Variants in REV3L observed in about 807,000 individuals in gnomAD.
REV3L encodes the protein DNA polymerase zeta catalytic subunit.
A neutral mutation model predicts 299.4 loss-of-function variants in REV3L; 69 were observed. The ratio of observed to expected loss-of-function variants is 0.23; its 90% CI spans 0.19 to 0.28. The LOEUF is 0.28. Ranked by LOEUF, REV3L falls within the 10% of genes least tolerant of loss-of-function variation. REV3L has a pLI of 1.00. For missense variants in REV3L, 3,128 were observed against 3,693.8 expected (o/e 0.85, Z 3.97); for synonymous variants, 1,238 against 1,271.4 (o/e 0.97, Z 0.56).
rs747409404 is a variant in REV3L, at chr6:111,307,344, A to G, written c.9252+17T>C. ...TCAGACTGCTTGTGATTCTGGGCCC[A>G]TGGAACAAAACTGTACCTTTACAAG... On this transcript the variant is annotated intron_variant, in intron 31 of 31. Transcript: ENST00000368802. 2.5e-6 allele frequency: 4 copies of G among 1,609,838 alleles called. No individual in the cohort carries two copies. Among genetic ancestry groups the G allele is most frequent in the Admixed American group, 1.7e-5 (1 of 59,972 alleles).
chr6:111,418,331 G>GA (rs1158175110), intron 1 of REV3L, among the ~76,000 whole-genome samples: 3 of 152,120 alleles, frequency 2.0e-5, no homozygotes, highest in Non-Finnish European at 4.4e-5. Flanking sequence ...AATTTTACAA[G>GA]AAACAATTAC....
chr6:111,387,967 T>G (rs752376019), intron 8 of REV3L, 34 bp downstream of exon 8: 2 of 1,606,608 alleles, frequency 1.2e-6, no homozygotes, highest in East Asian at 4.5e-5. Context: ...AGGAATAAAA[T>G]TAGTTCTGAG....
At chr6:111,422,383 C>CTT (rs1785460305) in intron 1 of REV3L, among the ~76,000 whole-genome samples, 2 of 151,622 alleles carry the variant, frequency 1.3e-5, no homozygotes, top group East Asian at 3.9e-4. Context: ...AAAATATGTG[C>CTT]TTTCTTGTTC....
At position 111,422,665 on chromosome 6, in the gene REV3L, T is replaced by TATATATATATAC. The variant is rs1562287955; in HGVS notation, c.140-6194_140-6193insGTATATATATAT. ...ATATATATACATATATATATATACA[T>TATATATATATAC]ATATATATATATACGTATATATATA... On this transcript the variant is annotated intron_variant, in intron 1 of 31. Transcript: ENST00000368802. 2.7e-4 allele frequency among the ~76,000 whole-genome samples: 10 copies of TATATATATATAC among 37,462 alleles called. 1 individual carries two copies. In the East Asian group the frequency reaches 5.2e-3, roughly 20 times the overall value. 24.6% of individuals were successfully genotyped at this position (37,462 alleles called of 152,430 possible).
intron 22 of REV3L, among the ~76,000 whole-genome samples, chr6:111,333,769 A>G (rs1406692629): frequency 6.6e-6 from 1 of 151,900 alleles, no homozygotes; most frequent in African/African-American, 2.4e-5. Flanking sequence ...AGCCACTATG[A>G]CCAGCCTGTA....
chr6:111,346,861 T>C (rs1333819234), intron 20 of REV3L, among the ~76,000 whole-genome samples: 1 of 152,230 alleles, frequency 6.6e-6, no homozygotes, highest in Non-Finnish European at 1.5e-5. Flanking sequence ...TTGCTACTGT[T>C]GCCTTTTGGA....
chr6:111,316,837 G>A (rs1013553748), intron 26 of REV3L, among the ~76,000 whole-genome samples: 4 of 152,092 alleles, frequency 2.6e-5, no homozygotes, highest in African/African-American at 9.7e-5. Context: ...CTTTTCATAT[G>A]CTATAATGGA....
intron 2 of REV3L, chr6:111,411,847 C>T (rs542517842): frequency 9.4e-6 from 3 of 318,878 alleles, no homozygotes; most frequent in East Asian, 1.7e-4. Flanking sequence ...GAAGAACAAA[C>T]CATCCACCCC....
intron 31 of REV3L, among the ~76,000 whole-genome samples, chr6:111,302,298 A>C (rs1383561180): frequency 6.6e-6 from 1 of 152,222 alleles, no homozygotes; most frequent in Non-Finnish European, 1.5e-5. Flanking sequence ...GAATTTCTGT[A>C]TTACAGCTCT....
chr6:111,471,676 A>G (rs887151184), intron 1 of REV3L, among the ~76,000 whole-genome samples: 3 of 152,230 alleles, frequency 2.0e-5, no homozygotes, highest in Non-Finnish European at 2.9e-5. Context: ...AGGCTAACAT[A>G]AGTATAATAA....
intron 20 of REV3L, 159 bp downstream of exon 20, chr6:111,349,059 T>C: frequency 2.0e-6 from 1 of 499,186 alleles, no homozygotes; most frequent in South Asian, 3.6e-5. Flanking sequence ...CTCTGTAGTT[T>C]TGCATTTTAG....
chr6:111,321,810 A>G (rs1774221873), intron 26 of REV3L, among the ~76,000 whole-genome samples: 1 of 152,242 alleles, frequency 6.6e-6, no homozygotes, highest in Non-Finnish European at 1.5e-5. Context: ...AAGTGCTCTT[A>G]GCATGATCAC....
intron 9 of REV3L, among the ~76,000 whole-genome samples, chr6:111,385,160 A>T (rs904823482): frequency 6.6e-6 from 1 of 152,150 alleles, no homozygotes; most frequent in Non-Finnish European, 1.5e-5. Context: ...GTACAAAAAA[A>T]TAGAAGGAAT....
chr6:111,475,188 T>C (rs776994340), intron 1 of REV3L, among the ~76,000 whole-genome samples: 19 of 152,150 alleles, frequency 1.2e-4, no homozygotes, highest in Non-Finnish European at 2.1e-4. Flanking sequence ...GTACACATAG[T>C]ATTCTCTCAT....
chr6:111,471,774 T>C (rs1464620693), intron 1 of REV3L, among the ~76,000 whole-genome samples: 3 of 152,138 alleles, frequency 2.0e-5, no homozygotes, highest in Non-Finnish European at 4.4e-5. Context: ...TGACTATTCT[T>C]AGAGACAAAC....
intron 31 of REV3L, among the ~76,000 whole-genome samples, chr6:111,306,269 G>A (rs941039562): frequency 6.6e-6 from 1 of 152,186 alleles, no homozygotes; most frequent in Non-Finnish European, 1.5e-5. Flanking sequence ...GTAGAGGAAA[G>A]TGTTCCTGGC....
At chr6:111,314,359 A>G (rs938084997) in intron 27 of REV3L, among the ~76,000 whole-genome samples, 4 of 152,178 alleles carry the variant, frequency 2.6e-5, no homozygotes, top group African/African-American at 9.7e-5. Flanking sequence ...GAGGCGTGGG[A>G]CACTGTGTTA....
chr6:111,302,605 CA>C (rs1234464226), intron 31 of REV3L, among the ~76,000 whole-genome samples: 1 of 151,908 alleles, frequency 6.6e-6, no homozygotes, highest in African/African-American at 2.4e-5. Context: ...CTTTCTTGTT[CA>C]AAAAAAATTT....
intron 20 of REV3L, among the ~76,000 whole-genome samples, chr6:111,346,735 T>C (rs889166194): frequency 6.6e-6 from 1 of 152,200 alleles, no homozygotes; most frequent in Admixed American, 6.5e-5. Flanking sequence ...ATACTATATA[T>C]TCATCCTAAA....
Sources: gnomAD v4.1 joint callset for allele counts (sites outside exome capture counted in the v4.1 genomes callset) on GRCh38, gnomAD v4.1.1 for gene constraint, MANE v1.5 for transcripts, NCBI Gene and HGNC (gene_info 2026-07-23, HGNC 2026-07-21) for gene names.